KCNB2: variants seen among roughly 807,000 people sequenced by gnomAD.
The protein encoded by KCNB2 is delayed rectifier potassium channel protein.
A neutral mutation model predicts 61.5 loss-of-function variants in KCNB2; 15 were observed. That is an observed-to-expected ratio of 0.24 (90% CI 0.16 to 0.38). KCNB2 has a LOEUF of 0.38. Among genes scored for constraint, KCNB2 ranks in the 10% least tolerant of loss-of-function variants. The probability of loss-of-function intolerance (pLI) is 1.00; values close to 1 mark genes in which losing one functional copy is unlikely to be tolerated. For synonymous variants in KCNB2, 457 were observed against 446.0 expected (o/e 1.02, Z -0.31); for missense variants, 828 against 1,125.2 (o/e 0.74, Z 3.78).
chr8:72,560,768 G>A (rs759746076), intron 1 of KCNB2, among the ~76,000 whole-genome samples: 6 of 152,048 alleles, frequency 3.9e-5, no homozygotes, highest in Non-Finnish European at 7.4e-5. Flanking sequence ...AAAGGTCCAA[G>A]ATGCTTTATA....
At chr8:72,588,106 A>G (rs1256932393) in intron 2 of KCNB2, among the ~76,000 whole-genome samples, 1 of 152,198 alleles carries the variant, frequency 6.6e-6, no homozygotes, top group Non-Finnish European at 1.5e-5. Flanking sequence ...CTTAAACCTG[A>G]AAGTTCTGTC....
At chr8:72,631,454 G>T (rs1187676411) in intron 2 of KCNB2, among the ~76,000 whole-genome samples, 1 of 152,086 alleles carries the variant, frequency 6.6e-6, no homozygotes, top group Non-Finnish European at 1.5e-5. Flanking sequence ...ATCTTCACAT[G>T]GTGTTCTTGC....
intron 2 of KCNB2, among the ~76,000 whole-genome samples, chr8:72,882,194 G>A (rs1368963435): frequency 6.6e-6 from 1 of 152,078 alleles, no homozygotes; most frequent in Non-Finnish European, 1.5e-5. Flanking sequence ...ACCTCCACAC[G>A]GGGGTGGTTT....
At chr8:72,859,265 A>G (rs907184805) in intron 2 of KCNB2, among the ~76,000 whole-genome samples, 1 of 152,208 alleles carries the variant, frequency 6.6e-6, no homozygotes, top group Non-Finnish European at 1.5e-5. Context: ...ACGTATAGCA[A>G]ACAAAGTGGG....
intron 2 of KCNB2, among the ~76,000 whole-genome samples, chr8:72,828,813 T>C (rs990302152): frequency 2.0e-5 from 3 of 152,232 alleles, no homozygotes; most frequent in African/African-American, 7.2e-5. Flanking sequence ...ACACTAGTAG[T>C]AAGGCTAGTG....
intron 1 of KCNB2, among the ~76,000 whole-genome samples, chr8:72,556,590 G>T (rs1234303725): frequency 3.9e-5 from 6 of 151,952 alleles, no homozygotes; most frequent in African/African-American, 1.2e-4. Flanking sequence ...ATAATGAATA[G>T]AAAAAAATCA....
intron 2 of KCNB2, among the ~76,000 whole-genome samples, chr8:72,898,891 G>A (rs1412100885): frequency 6.6e-6 from 1 of 152,106 alleles, no homozygotes; most frequent in Non-Finnish European, 1.5e-5. Flanking sequence ...AGAATATGCA[G>A]TATTTGGTTT....
At chr8:72,564,790 C>G (rs1315544653) in intron 1 of KCNB2, among the ~76,000 whole-genome samples, 1 of 152,014 alleles carries the variant, frequency 6.6e-6, no homozygotes, top group East Asian at 1.9e-4. Flanking sequence ...CTTTATAATT[C>G]AATGGGAAAG....
intron 1 of KCNB2, among the ~76,000 whole-genome samples, chr8:72,566,004 G>T (rs1806619034): frequency 6.6e-6 from 1 of 152,192 alleles, no homozygotes. Flanking sequence ...GAATATTATG[G>T]AGAGCTTTCT....
chr8:72,849,244 A>G (rs1810051669), intron 2 of KCNB2, among the ~76,000 whole-genome samples: 1 of 151,872 alleles, frequency 6.6e-6, no homozygotes, highest in South Asian at 2.1e-4. Context: ...TTGTACATAT[A>G]GGGTACATGG....
intron 2 of KCNB2, among the ~76,000 whole-genome samples, chr8:72,839,978 T>C (rs1465036860): frequency 1.3e-5 from 2 of 151,900 alleles, no homozygotes; most frequent in South Asian, 4.2e-4. Flanking sequence ...TGTTACATAG[T>C]TATACACTTG....
intron 2 of KCNB2, among the ~76,000 whole-genome samples, chr8:72,817,068 G>A (rs1809412201): frequency 6.6e-6 from 1 of 152,150 alleles, no homozygotes. Flanking sequence ...TTAGGTACTG[G>A]AAAAGAAAAC....
At chr8:72,715,260 A>C (rs1807411313) in intron 2 of KCNB2, among the ~76,000 whole-genome samples, 1 of 152,206 alleles carries the variant, frequency 6.6e-6, no homozygotes, top group African/African-American at 2.4e-5. Flanking sequence ...AACGAGACAG[A>C]ACGTTAACAA....
rs556973307 is a variant in KCNB2 at position 72,856,652 on chromosome 8, G to C, written c.580-79283G>C. Among the ~76,000 whole-genome samples the C allele has an allele frequency of 4.6e-5, 7 of 152,238 alleles. No homozygotes were observed. In the South Asian group the frequency reaches 1.0e-3, roughly 23 times the overall value. ...TTACCTGAAAAAATAAGTCAAATCA[G>C]CGTTTCCTCTGTTTTTTATGAATCC... On this transcript the variant is annotated intron_variant, in intron 2 of 2. Coordinates refer to ENST00000523207, the MANE Select transcript of KCNB2 (RefSeq NM_004770.3).
chr8:72,688,290 A>C (rs28369470), intron 2 of KCNB2, among the ~76,000 whole-genome samples: 1 of 152,012 alleles, frequency 6.6e-6, no homozygotes. Flanking sequence ...CTGATTTCTT[A>C]TTGTTCTCTG....
chr8:72,868,078 T>A (rs930939865), intron 2 of KCNB2, among the ~76,000 whole-genome samples: 8 of 149,638 alleles, frequency 5.3e-5, no homozygotes, highest in Non-Finnish European at 7.4e-5. Flanking sequence ...ATTATTTATT[T>A]TTTTTTTTTT....
At chr8:72,769,251 G>C (rs2128997051) in intron 2 of KCNB2, among the ~76,000 whole-genome samples, 1 of 152,046 alleles carries the variant, frequency 6.6e-6, no homozygotes, top group East Asian at 1.9e-4. Context: ...CTGCAAACTA[G>C]ATAAGGTGGA....
intron 2 of KCNB2, among the ~76,000 whole-genome samples, chr8:72,573,415 A>G (rs1349251222): frequency 2.0e-5 from 3 of 152,212 alleles, no homozygotes; most frequent in African/African-American, 7.2e-5. Flanking sequence ...TAGCTTTCTG[A>G]TGACCATCTT....
At chr8:72,577,756 C>T (rs184020762) in intron 2 of KCNB2, among the ~76,000 whole-genome samples, 57 of 152,270 alleles carry the variant, frequency 3.7e-4, no homozygotes, top group Admixed American at 1.4e-3. Context: ...CAAGTCAACC[C>T]GGTGCAGCTC....
Sources: allele counts gnomAD v4.1 joint callset (sites outside exome capture counted in the v4.1 genomes callset), GRCh38; gene constraint gnomAD v4.1.1; transcripts MANE v1.5; gene names NCBI Gene and HGNC (gene_info 2026-07-23, HGNC 2026-07-21).